FAM174A: variants seen among roughly 807,000 people sequenced by gnomAD.
The protein encoded by FAM174A is family with sequence similarity 174 member A.
Under a neutral mutation model 14.3 loss-of-function variants are expected in FAM174A, and 14 were observed. The observed-to-expected ratio is 0.98, with a 90% CI of 0.65 to 1.53. FAM174A has a LOEUF of 1.53. FAM174A is among the 40% of genes most tolerant of loss of function. The pLI, the probability that FAM174A is intolerant of heterozygous loss-of-function variation, is 0.00. For synonymous variants in FAM174A, 108 were observed against 111.4 expected (o/e 0.97, Z 0.19); for missense variants, 241 against 249.6 (o/e 0.97, Z 0.23).
chr5:100,571,202 T>C (rs1200969325), intron 2 of FAM174A, among the ~76,000 whole-genome samples: 1 of 151,796 alleles, frequency 6.6e-6, no homozygotes, highest in Non-Finnish European at 1.5e-5. Flanking sequence ...TTATCATGTT[T>C]TGATATTAGG....
intron 2 of FAM174A, among the ~76,000 whole-genome samples, chr5:100,583,859 C>T (rs973373446): frequency 1.3e-5 from 2 of 152,152 alleles, no homozygotes; most frequent in African/African-American, 4.8e-5. Flanking sequence ...GGGATCTCTT[C>T]CATAGTGTTG....
intron 1 of FAM174A, among the ~76,000 whole-genome samples, chr5:100,555,575 T>C (rs1356838687): frequency 6.6e-6 from 1 of 152,036 alleles, no homozygotes; most frequent in East Asian, 1.9e-4. Context: ...TTTCTCCACA[T>C]CCTCTCTAGC....
chr5:100,546,425 A>T (rs566800009), intron 1 of FAM174A, among the ~76,000 whole-genome samples: 1 of 152,260 alleles, frequency 6.6e-6, no homozygotes, highest in African/African-American at 2.4e-5. Flanking sequence ...ATGAACACTA[A>T]TAATATCTAC....
intron 1 of FAM174A, among the ~76,000 whole-genome samples, chr5:100,544,351 C>T (rs573820912): frequency 6.7e-6 from 1 of 149,766 alleles, no homozygotes; most frequent in Non-Finnish European, 1.5e-5. Flanking sequence ...CAAGGTCATA[C>T]CCCTGCATTT....
intron 2 of FAM174A, among the ~76,000 whole-genome samples, chr5:100,584,097 G>A (rs1747073397): frequency 6.6e-6 from 1 of 152,160 alleles, no homozygotes; most frequent in South Asian, 2.1e-4. Context: ...CAGGGACAAA[G>A]CATCAGTGGA....
Position 100,560,267 on chromosome 5 carries a change from A to G in FAM174A, c.435-1787A>G, listed in dbSNP as rs116279779. On this transcript the variant is annotated intron_variant, in intron 1 of 2. Transcript: ENST00000312637. ...TAGAGAAAGTTTAGACCTCTGGTCT[A>G]CATGGTGTGTGTGGGTGTGTTTGCA... is the stretch of plus-strand genomic sequence containing the variant. 6.6e-4 allele frequency among the ~76,000 whole-genome samples: 101 copies of G among 152,240 alleles called. 1 individual carries two copies. The highest frequency in any genetic ancestry group is 1.4e-3 in the South Asian group (7 of 4,832).
At chr5:100,574,600 C>T (rs755243250) in intron 2 of FAM174A, among the ~76,000 whole-genome samples, 1 of 152,052 alleles carries the variant, frequency 6.6e-6, no homozygotes, top group Non-Finnish European at 1.5e-5. Context: ...ACTTGTTTAG[C>T]AATAAAGCTT....
intron 2 of FAM174A, among the ~76,000 whole-genome samples, 179 bp from the exon 3 acceptor site, chr5:100,586,002 A>G (rs181433774): frequency 5.3e-5 from 8 of 152,304 alleles, no homozygotes; most frequent in African/African-American, 1.9e-4. Flanking sequence ...TTAATAGATA[A>G]TTTCTGAAAT....
At chr5:100,586,160 A>G (rs1561326757) in intron 2 of FAM174A, 21 bp from the exon 3 acceptor site, 1 of 1,296,788 alleles carries the variant, frequency 7.7e-7, no homozygotes. Flanking sequence ...TATTTATGGT[A>G]TTTTTTTCTT....
At chr5:100,545,693 T>A (rs2112368367) in intron 1 of FAM174A, among the ~76,000 whole-genome samples, 2 of 152,254 alleles carry the variant, frequency 1.3e-5, no homozygotes, top group South Asian at 4.1e-4. Flanking sequence ...TACATATGAG[T>A]ATATGTGTAA....
At chr5:100,544,152 A>G (rs1391436886) in intron 1 of FAM174A, among the ~76,000 whole-genome samples, 1 of 152,162 alleles carries the variant, frequency 6.6e-6, no homozygotes. Context: ...GCTTGAATCC[A>G]GGGGTTGAGA....
At chr5:100,555,895 C>T (rs1182445171) in intron 1 of FAM174A, among the ~76,000 whole-genome samples, 3 of 152,078 alleles carry the variant, frequency 2.0e-5, no homozygotes, top group African/African-American at 4.8e-5. Context: ...TATAGGTTGC[C>T]TGTTCACTCT....
intron 2 of FAM174A, among the ~76,000 whole-genome samples, chr5:100,572,827 C>A (rs1302141220): frequency 6.6e-6 from 1 of 152,204 alleles, no homozygotes; most frequent in African/African-American, 2.4e-5. Flanking sequence ...GAATCGCCAC[C>A]CTGACTTCCA....
intron 1 of FAM174A, among the ~76,000 whole-genome samples, chr5:100,549,438 T>C (rs753691504): frequency 1.3e-5 from 2 of 152,130 alleles, no homozygotes; most frequent in Non-Finnish European, 2.9e-5. Context: ...ATAACGTTGA[T>C]TTAGGATTTA....
chr5:100,570,947 TG>T (rs955975973), intron 2 of FAM174A, among the ~76,000 whole-genome samples: 30 of 152,076 alleles, frequency 2.0e-4, no homozygotes, highest in Non-Finnish European at 2.5e-4. Context: ...TGAAAGTGAT[TG>T]TTTTTTTCCT....
intron 2 of FAM174A, among the ~76,000 whole-genome samples, chr5:100,580,831 C>T (rs535765096): frequency 1.1e-4 from 17 of 152,294 alleles, no homozygotes; most frequent in Non-Finnish European, 1.9e-4. Flanking sequence ...CTATCCCTGC[C>T]ATTCTTGCCA....
intron 1 of FAM174A, among the ~76,000 whole-genome samples, chr5:100,548,399 GTTA>G (rs956160300): frequency 5.3e-5 from 8 of 151,738 alleles, no homozygotes; most frequent in East Asian, 1.9e-4. Flanking sequence ...TAGCTGCCAA[GTTA>G]TTATTATTAT....
chr5:100,575,136 A>T (rs999613648), intron 2 of FAM174A, among the ~76,000 whole-genome samples: 2 of 152,096 alleles, frequency 1.3e-5, no homozygotes, highest in African/African-American at 4.8e-5. Flanking sequence ...TACCACTTGT[A>T]TTACTGTTAA....
At chr5:100,586,087 C>T (rs1009549289) in intron 2 of FAM174A, 94 bp from the exon 3 acceptor site, 7 of 587,952 alleles carry the variant, frequency 1.2e-5, no homozygotes, top group African/African-American at 1.2e-4. Context: ...TTATTATATT[C>T]TTCCTTCCCC....
Sources: allele counts gnomAD v4.1 joint callset (sites outside exome capture counted in the v4.1 genomes callset), GRCh38; gene constraint gnomAD v4.1.1; transcripts MANE v1.5; gene names NCBI Gene and HGNC (gene_info 2026-07-23, HGNC 2026-07-21).